Variants in CTNNA3 observed in about 807,000 individuals in gnomAD.
The protein encoded by CTNNA3 is catenin alpha-3.
A neutral mutation model predicts 95.7 loss-of-function variants in CTNNA3; 76 were observed. That is an observed-to-expected ratio of 0.79 (90% CI 0.66 to 0.96). CTNNA3 has a LOEUF of 0.96. CTNNA3 is among the 40% of genes least tolerant of loss of function. CTNNA3 has a pLI of 0.00. For synonymous variants in CTNNA3, 431 were observed against 374.4 expected, an observed-to-expected ratio of 1.15 and a Z score of -1.74; for missense variants, 1,191 against 1,089.8, an observed-to-expected ratio of 1.09 and a Z score of -1.31.
chr10:67,747,070 G>C (rs1841378383), intron 1 of CTNNA3, among the ~76,000 whole-genome samples: 1 of 152,188 alleles, frequency 6.6e-6, no homozygotes, highest in Non-Finnish European at 1.5e-5. Context: ...CACTGGGCAG[G>C]ACCTCCCTGC....
chr10:66,444,642 C>A (rs1194616588), intron 11 of CTNNA3, among the ~76,000 whole-genome samples: 4 of 152,156 alleles, frequency 2.6e-5, no homozygotes, highest in South Asian at 2.1e-4. Context: ...TTTGTCACCA[C>A]CAGGCCTGCC....
chr10:66,213,434 T>C (rs1410014101), intron 13 of CTNNA3, among the ~76,000 whole-genome samples: 1 of 152,210 alleles, frequency 6.6e-6, no homozygotes, highest in Non-Finnish European at 1.5e-5. Flanking sequence ...AATTACTGAC[T>C]ACGCTACATT....
chr10:67,726,637 A>ATTATAT (rs1224391770), intron 1 of CTNNA3, among the ~76,000 whole-genome samples: 6 of 71,726 alleles, frequency 8.4e-5, no homozygotes, highest in South Asian at 4.8e-4. Flanking sequence ...TATATTATAT[A>ATTATAT]TAATATATAC....
At chr10:67,270,555 G>T (rs1838928678) in intron 5 of CTNNA3, among the ~76,000 whole-genome samples, 1 of 152,122 alleles carries the variant, frequency 6.6e-6, no homozygotes, top group Non-Finnish European at 1.5e-5. Flanking sequence ...TAAACTTTTG[G>T]AGAGGGAGTA....
At chr10:66,323,189 GAACAA>G (rs1263127288) in intron 12 of CTNNA3, among the ~76,000 whole-genome samples, 3 of 151,902 alleles carry the variant, frequency 2.0e-5, no homozygotes, top group Non-Finnish European at 4.4e-5. Flanking sequence ...ACAGCAGTAA[GAACAA>G]AATACAAATT....
intron 3 of CTNNA3, among the ~76,000 whole-genome samples, chr10:67,594,775 G>T (rs1336114311): frequency 2.0e-5 from 3 of 151,914 alleles, no homozygotes; most frequent in Admixed American, 6.6e-5. Flanking sequence ...GGTGGCATTT[G>T]GTTACATGAG....
chr10:66,637,518 G>C (rs1420745577), intron 9 of CTNNA3, among the ~76,000 whole-genome samples: 1 of 152,230 alleles, frequency 6.6e-6, no homozygotes. Context: ...AGGCTGGCTT[G>C]CTTGCACTGC....
chr10:67,506,865 T>A (rs2133117949), intron 5 of CTNNA3, among the ~76,000 whole-genome samples: 1 of 152,328 alleles, frequency 6.6e-6, no homozygotes, highest in Non-Finnish European at 1.5e-5. Flanking sequence ...CTGAAACAAA[T>A]GCTGCTGAGT....
At position 67,175,124 on chromosome 10, in the gene CTNNA3, T is replaced by C. The variant is rs1262243908; in HGVS notation, c.1047+5193A>G. On this transcript the variant is annotated intron_variant, in intron 7 of 17. Coordinates refer to ENST00000433211, the MANE Select transcript of CTNNA3 (RefSeq NM_013266.4). Reference sequence around the variant, plus strand: ...GGGAGGAAGGGCAAGAAGGAAGGGATGGAGGGAAAGGGAGGGAGGGAGGGA... The same window carrying C: ...GGGAGGAAGGGCAAGAAGGAAGGGACGGAGGGAAAGGGAGGGAGGGAGGGA... 5.4e-5 allele frequency among the ~76,000 whole-genome samples: 3 copies of C among 55,222 alleles called. 1 individual carries two copies. The highest frequency in any genetic ancestry group is 2.2e-4 in the African/African-American group (3 of 13,836). The allele number at this position is 55,222 out of a possible 152,430, so 36.2% of individuals were successfully genotyped here. A position where few individuals can be genotyped will look rare whatever the true frequency, so the allele number is the denominator to read the frequency against.
At chr10:67,184,517 A>T (rs1308561431) in intron 6 of CTNNA3, among the ~76,000 whole-genome samples, 3 of 152,166 alleles carry the variant, frequency 2.0e-5, no homozygotes, top group African/African-American at 7.2e-5. Flanking sequence ...TTTAGTCAGA[A>T]CTGTATAAGC....
At chr10:66,073,199 A>G (rs2080477270) in intron 14 of CTNNA3, among the ~76,000 whole-genome samples, 2 of 152,160 alleles carry the variant, frequency 1.3e-5, no homozygotes, top group African/African-American at 4.8e-5. Flanking sequence ...AGTTCAAGAA[A>G]TCTATTATAC....
At chr10:66,842,351 G>A (rs74514461) in intron 7 of CTNNA3, among the ~76,000 whole-genome samples, 199 of 152,208 alleles carry the variant, frequency 1.3e-3, no homozygotes, top group African/African-American at 4.7e-3. Flanking sequence ...GAAAAACAAC[G>A]AAAGGCAGGA....
chr10:66,966,854 T>C (rs773531102), intron 7 of CTNNA3, among the ~76,000 whole-genome samples: 6 of 152,110 alleles, frequency 3.9e-5, no homozygotes, highest in African/African-American at 9.7e-5. Flanking sequence ...CATAGAACTA[T>C]AGCTTATTTA....
In CTNNA3 at chr10:66,927,152, A is replaced by G; in HGVS notation, c.1048-151628T>C. 2 of 1,614,200 alleles carry G rather than the reference A, an allele frequency of 1.2e-6. No homozygotes were observed. Among genetic ancestry groups the G allele is most frequent in the Admixed American group, 1.7e-5 (1 of 60,032 alleles). ...AACAGCCTTCAAAAACTTAAGTATA[A>G]TCAATTTAAAGGGCTCAACCAGCTC... is the stretch of plus-strand genomic sequence containing the variant. On this transcript the variant is annotated intron_variant, in intron 7 of 17. Coordinates refer to ENST00000433211, the MANE Select transcript of CTNNA3 (RefSeq NM_013266.4). The surrounding 1 kb of genome is among the most constrained non-coding windows in gnomAD (Gnocchi z 4.7).
At chr10:67,503,895 T>C (rs1909658) in intron 5 of CTNNA3, among the ~76,000 whole-genome samples, 40,317 of 152,126 alleles carry the variant, frequency 0.27, 5,999 homozygotes, top group African/African-American at 0.4. Flanking sequence ...CGGTGGCTCA[T>C]GCCTGTAATC....
chr10:66,218,189 G>A lies in CTNNA3; in HGVS notation c.1884+62281C>T, dbSNP rs979571877. 2.0e-4 allele frequency among the ~76,000 whole-genome samples: 31 copies of A among 152,160 alleles called. 5 individuals are homozygous for A. The highest frequency in any genetic ancestry group is 1.5e-3 in the Admixed American group (23 of 15,282). ...CATGCCTAAATTTTCTGGGCCATAT[G>A]ACAAGAACCTGTTTTTTTCTAGAAC... On this transcript the variant is annotated intron_variant, in intron 13 of 17. Transcript: ENST00000433211.
chr10:67,434,293 T>C (rs993977451), intron 5 of CTNNA3, among the ~76,000 whole-genome samples: 2 of 152,002 alleles, frequency 1.3e-5, no homozygotes, highest in Non-Finnish European at 2.9e-5. Context: ...TTGGCAATAA[T>C]AGTATCTATC....
intron 5 of CTNNA3, among the ~76,000 whole-genome samples, chr10:67,400,344 T>G (rs1003332865): frequency 1.3e-5 from 2 of 152,228 alleles, no homozygotes; most frequent in African/African-American, 4.8e-5. Context: ...TGAATAGATT[T>G]ACTTTTAAAT....
At chr10:66,268,074 T>C (rs2091196637) in intron 13 of CTNNA3, among the ~76,000 whole-genome samples, 1 of 152,054 alleles carries the variant, frequency 6.6e-6, no homozygotes, top group Admixed American at 6.6e-5. Context: ...ATAACTGTTA[T>C]TGTTGAAAAT....
Sources: allele counts gnomAD v4.1 joint callset (sites outside exome capture counted in the v4.1 genomes callset), GRCh38; gene constraint gnomAD v4.1.1; non-coding constraint Gnocchi (gnomAD v3.1); transcripts MANE v1.5; gene names NCBI Gene and HGNC (gene_info 2026-07-23, HGNC 2026-07-21).